Variants in VIPR2 observed in about 807,000 individuals in gnomAD.
VIPR2 encodes the protein vasoactive intestinal peptide receptor 2, also known as vasoactive intestinal polypeptide receptor 2.
In VIPR2, 48 loss-of-function variants were observed where a neutral mutation model predicts 58.0. That is an observed-to-expected ratio of 0.83 (90% CI 0.66 to 1.05). VIPR2 has a LOEUF of 1.05. VIPR2 is among the 50% of genes least tolerant of loss of function. The pLI, the probability that VIPR2 is intolerant of heterozygous loss-of-function variation, is 0.00. For synonymous variants in VIPR2, 243 were observed against 235.2 expected (o/e 1.03, Z -0.30); for missense variants, 534 against 558.0 (o/e 0.96, Z 0.43).
Position 159,128,132 on chromosome 7 carries a change from GC to G in VIPR2, c.151+14313del, listed in dbSNP as rs1285644180. Among the ~76,000 whole-genome samples the G allele has an allele frequency of 6.6e-6, 1 of 152,140 alleles. No homozygotes were observed. Among genetic ancestry groups the G allele is most frequent in the African/African-American group, 2.4e-5 (1 of 41,444 alleles). On this transcript the variant is annotated intron_variant, in intron 2 of 12. Coordinates refer to ENST00000262178, the MANE Select transcript of VIPR2 (RefSeq NM_003382.5). This position sits in a 1 kb window ranked among gnomAD's most constrained non-coding sequence, Gnocchi z 4.1. ...TCTCCTTCAGGCTCCTGCTGCCTCTGCCCCTGAGGGATGTGACGGGGGTGGG... is the reference window on the plus strand; with the variant it reads ...TCTCCTTCAGGCTCCTGCTGCCTCTGCCCTGAGGGATGTGACGGGGGTGGG...
At chr7:159,114,478 A>G (rs914089341) in intron 2 of VIPR2, among the ~76,000 whole-genome samples, 2 of 152,250 alleles carry the variant, frequency 1.3e-5, no homozygotes, top group Non-Finnish European at 2.9e-5. Context: ...TAGGTTTTCC[A>G]GATGGTGATC....
rs1796733708 is a variant in VIPR2 at position 159,128,368 on chromosome 7, A to C, written c.151+14078T>G. ...CCTGCAGTGGTCTCCTTGTGCCCCCAGGTGCCTGCTGGCACCAGGACACAC... is the reference window on the plus strand; with the variant it reads ...CCTGCAGTGGTCTCCTTGTGCCCCCCGGTGCCTGCTGGCACCAGGACACAC... On this transcript the variant is annotated intron_variant, in intron 2 of 12. Coordinates refer to ENST00000262178, the MANE Select transcript of VIPR2 (RefSeq NM_003382.5). The surrounding 1 kb of genome is among the most constrained non-coding windows in gnomAD (Gnocchi z 4.1). 6.6e-6 allele frequency among the ~76,000 whole-genome samples: 1 copy of C among 152,052 alleles called. No individual in the cohort carries two copies. The highest frequency in any genetic ancestry group is 2.1e-4 in the South Asian group (1 of 4,806).
rs58447977 is a variant in VIPR2, at chr7:159,101,546, C to T, written c.357+2211G>A. Among the ~76,000 whole-genome samples, 732 of 129,972 alleles carry T rather than the reference C, an allele frequency of 5.6e-3. 10 individuals are homozygous for T. Among genetic ancestry groups the T allele is most frequent in the African/African-American group, 0.018 (585 of 31,826 alleles). 85.3% of individuals were successfully genotyped at this position (129,972 alleles called of 152,430 possible). The stretch of plus-strand genomic sequence containing the variant: ...TCTCACGAGATCCGACGAGGCGGTT[C>T]CCCTGACTGTTCCTGTGGTAGTGAA... On this transcript the variant is annotated intron_variant, in intron 4 of 12. Coordinates refer to ENST00000262178, the MANE Select transcript of VIPR2 (RefSeq NM_003382.5).
At chr7:159,087,409 T>C (rs1857239281) in intron 4 of VIPR2, among the ~76,000 whole-genome samples, 2 of 106,678 alleles carry the variant, frequency 1.9e-5, no homozygotes, top group South Asian at 8.0e-4. Context: ...AACCACACTC[T>C]GCCAGGACTC....
At chr7:159,129,317 T>C (rs1163653422) in intron 2 of VIPR2, among the ~76,000 whole-genome samples, 19 of 119,956 alleles carry the variant, frequency 1.6e-4, no homozygotes, top group African/African-American at 4.1e-4. Flanking sequence ...TCACACTCTG[T>C]TCCCTCAAAC....
chr7:159,037,807 T>A (rs750064324), intron 6 of VIPR2, among the ~76,000 whole-genome samples: 1 of 152,162 alleles, frequency 6.6e-6, no homozygotes, highest in African/African-American at 2.4e-5. Context: ...TAAGCTTATA[T>A]AAAGTGTGCT....
In VIPR2 at chr7:159,128,855, C is replaced by G. The variant is rs115710912; in HGVS notation, c.151+13591G>C. 6.6e-6 allele frequency among the ~76,000 whole-genome samples: 1 copy of G among 152,224 alleles called. No homozygotes were observed. Among genetic ancestry groups the G allele is most frequent in the Admixed American group, 6.5e-5 (1 of 15,290 alleles). ...TGCTCTTCTCCCTCAACTGCTCCCT[C>G]CTTCCCTCCCTGCGGCTGAGCTCAG... On this transcript the variant is annotated intron_variant, in intron 2 of 12. Transcript: ENST00000262178. This position sits in a 1 kb window ranked among gnomAD's most constrained non-coding sequence, Gnocchi z 4.1.
At chr7:159,106,274 TATG>T (rs1433771388) in intron 3 of VIPR2, among the ~76,000 whole-genome samples, 1 of 152,280 alleles carries the variant, frequency 6.6e-6, no homozygotes, top group Non-Finnish European at 1.5e-5. Context: ...AAAGTCATTC[TATG>T]AAGTGCAGAT....
chr7:159,107,605 T>A (rs1050816247), intron 3 of VIPR2, among the ~76,000 whole-genome samples: 7 of 151,862 alleles, frequency 4.6e-5, no homozygotes, highest in African/African-American at 1.7e-4. Flanking sequence ...CAGGGCAGGG[T>A]TAGGACCTGG....
intron 2 of VIPR2, among the ~76,000 whole-genome samples, chr7:159,123,312 A>AAG (rs1554519100): frequency 1.4e-5 from 2 of 146,998 alleles, no homozygotes; most frequent in East Asian, 1.9e-4. Context: ...AAAAAAAAAA[A>AAG]AAAGAAAGAA....
chr7:159,082,223 C>T (rs1856941715), intron 4 of VIPR2, among the ~76,000 whole-genome samples: 1 of 152,140 alleles, frequency 6.6e-6, no homozygotes, highest in Non-Finnish European at 1.5e-5. Context: ...CCCAAATGTC[C>T]AACAATGATA....
intron 2 of VIPR2, among the ~76,000 whole-genome samples, chr7:159,119,434 C>T (rs775565350): frequency 2.0e-5 from 3 of 152,300 alleles, no homozygotes; most frequent in Admixed American, 1.3e-4. Flanking sequence ...TCTCCAGACT[C>T]GGACTCATGC....
chr7:159,129,139 T>TG (rs1193516516), intron 2 of VIPR2, among the ~76,000 whole-genome samples: 42 of 116,912 alleles, frequency 3.6e-4, no homozygotes, highest in African/African-American at 1.2e-3. Context: ...AACTGGCCTC[T>TG]GGGGGGGACA....
intron 2 of VIPR2, among the ~76,000 whole-genome samples, chr7:159,135,524 G>C (rs952568937): frequency 6.6e-6 from 1 of 151,852 alleles, no homozygotes; most frequent in African/African-American, 2.4e-5. Flanking sequence ...GCTGAAAAAT[G>C]TTAATAAATG....
chr7:159,126,005 G>T (rs1796637045), intron 2 of VIPR2, among the ~76,000 whole-genome samples: 1 of 152,156 alleles, frequency 6.6e-6, no homozygotes, highest in South Asian at 2.1e-4. Context: ...CAAAGCTCCA[G>T]AATGAAGCTG....
In VIPR2 at chr7:159,030,840, G is replaced by A. The variant is rs534432412; in HGVS notation, c.1144-51C>T. On this transcript the variant is annotated intron_variant, in intron 12 of 12. Coordinates refer to ENST00000262178, the MANE Select transcript of VIPR2 (RefSeq NM_003382.5). ...CCCGTGAGCCTGGGCAGGTGCGGGC[G>A]GCTGCTATGGGAAGCGCGGCCCGCG... is the stretch of plus-strand genomic sequence containing the variant. 7 of 1,452,612 alleles carry A rather than the reference G, an allele frequency of 4.8e-6. No individual in the cohort carries two copies. The East Asian group carries it at 1.1e-4, about 23-fold the overall frequency. The allele number at this position is 1,452,612 out of a possible 1,614,324, so 90.0% of individuals were successfully genotyped here.
intron 2 of VIPR2, among the ~76,000 whole-genome samples, chr7:159,116,477 C>A (rs1796241980): frequency 6.6e-6 from 1 of 151,998 alleles, no homozygotes; most frequent in African/African-American, 2.4e-5. Context: ...GTCACAGGGG[C>A]TGGTCAGGGG....
At chr7:159,108,900 G>A (rs1424252828) in intron 3 of VIPR2, among the ~76,000 whole-genome samples, 1 of 152,228 alleles carries the variant, frequency 6.6e-6, no homozygotes, top group African/African-American at 2.4e-5. Flanking sequence ...GGGGTGGGCA[G>A]TGATGGTAAT....
At chr7:159,115,948 A>T (rs1796220787) in intron 2 of VIPR2, among the ~76,000 whole-genome samples, 1 of 133,926 alleles carries the variant, frequency 7.5e-6, no homozygotes, top group Non-Finnish European at 1.6e-5. Flanking sequence ...GTCAGGCAGC[A>T]GGTGTGAGGC....
Sources: gnomAD v4.1 joint callset for allele counts (sites outside exome capture counted in the v4.1 genomes callset) on GRCh38, gnomAD v4.1.1 for gene constraint, Gnocchi (gnomAD v3.1) non-coding constraint, MANE v1.5 for transcripts, NCBI Gene and HGNC (gene_info 2026-07-23, HGNC 2026-07-21) for gene names.